SLF2: variants seen among roughly 807,000 people sequenced by gnomAD.
SLF2 encodes the protein SMC5/6 complex localization factor 2.
Under a neutral mutation model 124.3 loss-of-function variants are expected in SLF2, and 68 were observed. The ratio of observed to expected loss-of-function variants is 0.55; its 90% CI spans 0.45 to 0.67. The LOEUF is 0.67. Among genes scored for constraint, SLF2 ranks in the 30% least tolerant of loss-of-function variants. The pLI is 0.00. For synonymous variants in SLF2, 480 were observed against 478.8 expected, an observed-to-expected ratio of 1.00 and a Z score of -0.03; for missense variants, 1,246 against 1,373.7, an observed-to-expected ratio of 0.91 and a Z score of 1.47.
chr10:100,939,416 G>A (rs1234760724), intron 11 of SLF2, among the ~76,000 whole-genome samples: 2 of 150,326 alleles, frequency 1.3e-5, no homozygotes, highest in African/African-American at 2.5e-5. Flanking sequence ...GGTGGCTCAC[G>A]CCTGTAATCC....
chr10:100,928,484 T>C (rs894818268), intron 6 of SLF2, among the ~76,000 whole-genome samples: 26 of 152,186 alleles, frequency 1.7e-4, no homozygotes, highest in African/African-American at 6.3e-4. Context: ...TGAAAGACAG[T>C]AGTACTAGTT....
chr10:100,943,778 G>A, intron 11 of SLF2: 1 of 360,658 alleles, frequency 2.8e-6, no homozygotes, highest in Non-Finnish European at 5.0e-6. Context: ...CTTGAGTCAG[G>A]GATAGCAGAT....
At chr10:100,919,296 C>T (rs1849482778) in intron 4 of SLF2, among the ~76,000 whole-genome samples, 2 of 152,200 alleles carry the variant, frequency 1.3e-5, no homozygotes, top group South Asian at 4.2e-4. Flanking sequence ...CAGGCATGAG[C>T]CACTGCACCG....
At chr10:100,921,321 A>G (rs894973538) in intron 4 of SLF2, among the ~76,000 whole-genome samples, 4 of 152,144 alleles carry the variant, frequency 2.6e-5, no homozygotes, top group African/African-American at 9.7e-5. Flanking sequence ...GGCTGAAGCA[A>G]TCCTCCTGCC....
intron 4 of SLF2, among the ~76,000 whole-genome samples, chr10:100,919,925 A>T (rs187518271): frequency 6.6e-6 from 1 of 152,346 alleles, no homozygotes; most frequent in African/African-American, 2.4e-5. Context: ...TATATTTTAG[A>T]GGTGCATTGC....
chr10:100,939,052 TGGAAA>T (rs763073485), intron 11 of SLF2, among the ~76,000 whole-genome samples: 3 of 152,134 alleles, frequency 2.0e-5, no homozygotes, highest in African/African-American at 4.8e-5. Flanking sequence ...ATACAAAAAT[TGGAAA>T]GGAGTTGCTG....
Position 100,964,135 on chromosome 10 carries a change from C to G in SLF2, c.*2223C>G, listed in dbSNP as rs1268053704. The G allele has an allele frequency of 1.3e-5, 2 of 152,582 alleles. No individual in the cohort carries two copies. The highest frequency in any genetic ancestry group is 2.4e-5 in the African/African-American group (1 of 41,424). The allele number at this position is 152,582 out of a possible 1,614,324, so 9.5% of individuals were successfully genotyped here. A position where few individuals can be genotyped will look rare whatever the true frequency, so the allele number is the denominator to read the frequency against. On this transcript the variant is annotated 3_prime_UTR_variant, in exon 20 of 20. Transcript: ENST00000238961. ...GTATTTTACTTCTCCCTTGAGTCCC[C>G]ATGCTTTGTCTCCCTCCTGCTGCTA...
intron 13 of SLF2, 64 bp downstream of exon 13, chr10:100,945,570 A>G (rs566545845): frequency 8.0e-7 from 1 of 1,249,910 alleles, no homozygotes; most frequent in South Asian, 1.8e-5. Flanking sequence ...CTCATAGTGC[A>G]TATGGAATTA....
Position 100,962,093 on chromosome 10 carries a change from A to C in SLF2, c.*181A>C. 2 of 525,070 alleles carry C rather than the reference A, an allele frequency of 3.8e-6. No individual in the cohort carries two copies. The highest frequency in any genetic ancestry group is 6.6e-5 in the South Asian group (2 of 30,098). The allele number at this position is 525,070 out of a possible 1,614,324, so 32.5% of individuals were successfully genotyped here. A position where few individuals can be genotyped will look rare whatever the true frequency, so the allele number is the denominator to read the frequency against. ...ATTGCCATTTCTGAAGCAGATATGA[A>C]ATATGATCTGCTTAATTGTTAAGGC... On this transcript the variant is annotated 3_prime_UTR_variant, in exon 20 of 20. Transcript: ENST00000238961.
At chr10:100,954,188 G>T (rs1006735535) in intron 17 of SLF2, among the ~76,000 whole-genome samples, 1 of 152,120 alleles carries the variant, frequency 6.6e-6, no homozygotes, top group Non-Finnish European at 1.5e-5. Flanking sequence ...GCCTGAGGAG[G>T]TTGAGGCTGC....
chr10:100,944,231 C>G (rs560554630), intron 12 of SLF2, 103 bp downstream of exon 12: 122 of 664,958 alleles, frequency 1.8e-4, no homozygotes, highest in South Asian at 4.7e-4. Flanking sequence ...CGCGGTGGCT[C>G]ACGCCTGTAA....
Position 100,913,038 on chromosome 10 carries a change from C to G in SLF2, c.-73C>G, listed in dbSNP as rs1351588991. 2 of 1,545,404 alleles carry G rather than the reference C, an allele frequency of 1.3e-6. No individual in the cohort carries two copies. The highest frequency in any genetic ancestry group is 2.7e-5 in the African/African-American group (2 of 73,216). ...CTGCTCCGACAGCCTCCCGGAGTCC[C>G]AGCAGCAAGACGGCAACCACGCACC... On this transcript the variant is annotated 5_prime_UTR_variant, in exon 1 of 20. Coordinates refer to ENST00000238961, the MANE Select transcript of SLF2 (RefSeq NM_018121.4).
Position 100,950,101 on chromosome 10 carries a change from T to C in SLF2, c.3146T>C (p.Val1049Ala). ...GTATCAGTCCTACATCGCTATCTTG[T>C]GCAGATGAAGCCTTCTGATTTGTTA... ...LQVSVLHRYL[V>A]QMKPSDLLKK... Residue 1049 changes from valine to alanine, a missense_variant, in exon 16 of 20, where the codon GTG becomes GCG. Physicochemically the swap from Val to Ala is moderately conservative, Grantham distance 64. Coordinates refer to ENST00000238961, the MANE Select transcript of SLF2 (RefSeq NM_018121.4). 6.2e-7 allele frequency: 1 copy of C among 1,613,524 alleles called. No individual in the cohort carries two copies. Among genetic ancestry groups the C allele is most frequent in the Non-Finnish European group, 8.5e-7 (1 of 1,179,704 alleles).
rs770917231 is a variant in SLF2, at chr10:100,929,398, A to C, written c.2124A>C (p.Glu708Asp). ...GIKSPIRIGE[E>D]DSTDDEDGLL... ...AATCCCCAATCAGAATTGGAGAAGAAGACAGTACAGATGATGAGGATGGCC... is the reference window on the plus strand; with the variant it reads ...AATCCCCAATCAGAATTGGAGAAGACGACAGTACAGATGATGAGGATGGCC... Residue 708 changes from glutamate to aspartate, a missense_variant, in exon 7 of 20, where the codon GAA becomes GAC. Glu to Asp is a conservative substitution (Grantham distance 45). This residue lies in a region of SLF2 where 535 missense variants were observed against 632.8 expected (regional missense o/e 0.85). Transcript: ENST00000238961. 21 of 1,613,060 alleles carry C rather than the reference A, an allele frequency of 1.3e-5. No individual in the cohort carries two copies. Among genetic ancestry groups the C allele is most frequent in the South Asian group, 8.8e-5 (8 of 90,992 alleles).
Position 100,959,435 on chromosome 10 carries a change from A to G in SLF2, c.3425A>G (p.Asp1142Gly). The G allele has an allele frequency of 6.2e-7, 1 of 1,606,798 alleles. No individual in the cohort carries two copies. The highest frequency in any genetic ancestry group is 1.1e-5 in the South Asian group (1 of 89,436). Residue 1142 changes from aspartate to glycine, a missense_variant, in exon 19 of 20, where the codon GAC becomes GGC. Asp to Gly is a moderately conservative substitution (Grantham distance 94). Transcript: ENST00000238961. ...ARLFYRTKVK[D>G]LVARIHGKWQ... ...GTTTTTGATATTTTTAAGGTGAAAG[A>G]CTTGGTCGCCAGGATACATGGAAAA...
At chr10:100,949,420 TACC>T in intron 15 of SLF2, among the ~76,000 whole-genome samples, 1 of 152,352 alleles carries the variant, frequency 6.6e-6, no homozygotes. Context: ...TTGTGATTTT[TACC>T]ACAACTTCTT....
At chr10:100,925,684 G>A (rs1849598989) in intron 5 of SLF2, among the ~76,000 whole-genome samples, 1 of 152,202 alleles carries the variant, frequency 6.6e-6, no homozygotes, top group Admixed American at 6.5e-5. Flanking sequence ...GGTAGCCACA[G>A]AGTCCTTGAG....
chr10:100,915,286 A>G (rs1291581399), intron 1 of SLF2, among the ~76,000 whole-genome samples: 1 of 152,200 alleles, frequency 6.6e-6, no homozygotes, highest in African/African-American at 2.4e-5. Context: ...AAAAATTAAG[A>G]ATTTGAAACT....
At chr10:100,950,300 T>G in intron 16 of SLF2, 93 bp downstream of exon 16, 1 of 1,308,286 alleles carries the variant, frequency 7.6e-7, no homozygotes, top group Non-Finnish European at 1.0e-6. Flanking sequence ...TTTCTGGATT[T>G]GGACACTAGA....
Sources: allele counts gnomAD v4.1 joint callset (sites outside exome capture counted in the v4.1 genomes callset), GRCh38; gene constraint gnomAD v4.1.1; regional missense constraint gnomAD v4.1.1; transcripts MANE v1.5; gene names NCBI Gene and HGNC (gene_info 2026-07-23, HGNC 2026-07-21).